RBM22: variants seen among roughly 807,000 people sequenced by gnomAD.
The protein encoded by RBM22 is pre-mRNA-splicing factor RBM22.
Under a neutral mutation model 50.1 loss-of-function variants are expected in RBM22, and 1 was observed. That is an observed-to-expected ratio of 0.02 (90% CI 0.01 to 0.09). The LOEUF is 0.09. RBM22 is among the 10% of genes least tolerant of loss of function. RBM22 has a pLI of 1.00. For missense variants in RBM22, 264 were observed against 529.3 expected (o/e 0.50, Z 4.92); for synonymous variants, 152 against 179.0 (o/e 0.85, Z 1.20).
intron 8 of RBM22, 138 bp downstream of exon 8, chr5:150,693,936 TAG>T: frequency 9.1e-7 from 1 of 1,103,496 alleles, no homozygotes; most frequent in South Asian, 1.6e-5. Context: ...AAGTATCACA[TAG>T]AGAGTGATCT....
Position 150,701,018 on chromosome 5 carries a change from G to T in RBM22, c.-33C>A, listed in dbSNP as rs780593876. On this transcript the variant is annotated 5_prime_UTR_variant, in exon 1 of 11. Coordinates refer to ENST00000199814, the MANE Select transcript of RBM22 (RefSeq NM_018047.3). ...GCGTCCGGAGGTAGCTGTAGCTTCC[G>T]AATTGGGAGAGAGGACCGCCACAAT... 2 of 1,613,248 alleles carry T rather than the reference G, an allele frequency of 1.2e-6. No individual in the cohort carries two copies. Among genetic ancestry groups the T allele is most frequent in the Admixed American group, 1.7e-5 (1 of 60,024 alleles).
chr5:150,696,850 C>T lies in RBM22; in HGVS notation c.313G>A (p.Asp105Asn). 6.2e-7 allele frequency: 1 copy of T among 1,614,200 alleles called. No homozygotes were observed. Among genetic ancestry groups the T allele is most frequent in the South Asian group, 1.1e-5 (1 of 91,088 alleles). ...QVRDAGLSFK[D>N]DMPKSDVNKE... ...TTGACATCTGACTTTGGCATGTCAT[C>T]TTTAAAAGACAATCCTGCGTCACGA... Residue 105 changes from aspartate to asparagine, a missense_variant, in exon 5 of 11, where the codon GAT becomes AAT. Around this residue, in one of 7 missense-constraint regions of RBM22, gnomAD observed 44 missense variants for 57.9 expected, o/e 0.76. Transcript: ENST00000199814. The surrounding 1 kb of genome is among the most constrained non-coding windows in gnomAD (Gnocchi z 4.3).
In RBM22 at chr5:150,693,017, G is replaced by A. The variant is rs1759228992; in HGVS notation, c.1010C>T (p.Pro337Leu). The change falls in exon 10 of 11, where the codon CCT (proline) becomes CTT (leucine). Residue 337 changes from proline (P) to leucine (L), a missense_variant. By Grantham distance (98) the Pro-to-Leu change is moderately conservative (BLOSUM62 -3). Transcript: ENST00000199814. ...PVPGLPGALP[P>L]PPAAEEEASA... Reference sequence around the variant, plus strand: ...GGCTTCTTCTTCTGCTGCAGGAGGAGGAGGAAGAGCTGGAGGAGAGAAAAT... The same window carrying A: ...GGCTTCTTCTTCTGCTGCAGGAGGAAGAGGAAGAGCTGGAGGAGAGAAAAT... The A allele has an allele frequency of 6.2e-7, 1 of 1,609,928 alleles. No homozygotes were observed. The highest frequency in any genetic ancestry group is 1.1e-5 in the South Asian group (1 of 90,410).
chr5:150,692,967 G>A lies in RBM22; in HGVS notation c.1060C>T (p.Pro354Ser). 6.2e-7 allele frequency: 1 copy of A among 1,613,372 alleles called. No individual in the cohort carries two copies. Among genetic ancestry groups the A allele is most frequent in the Non-Finnish European group, 8.5e-7 (1 of 1,179,580 alleles). Residue 354 changes from proline (P) to serine (S), a missense_variant, in exon 10 of 11, where the codon CCA (proline) becomes TCA (serine). Physicochemically the swap from Pro to Ser is moderately conservative, Grantham distance 74. Around this residue, in one of 7 missense-constraint regions of RBM22, gnomAD observed 106 missense variants for 137.1 expected, o/e 0.77. Coordinates refer to ENST00000199814, the MANE Select transcript of RBM22 (RefSeq NM_018047.3). The part of the protein sequence containing the change: ...EASANYFNLP[P>S]SGPPAVVNIA... The stretch of plus-strand genomic sequence containing the variant: ...TTCACCACAGCTGGAGGACCACTTG[G>A]GGGCAAGTTGAAGTAGTTGGCAGAG...
chr5:150,695,183 C>A, intron 7 of RBM22: 1 of 240,830 alleles, frequency 4.2e-6, no homozygotes, highest in Non-Finnish European at 8.2e-6. Flanking sequence ...CATGCCACCA[C>A]ACCCGGCTAA....
At chr5:150,699,150 G>T in intron 3 of RBM22, 92 bp downstream of exon 3, 1 of 1,489,808 alleles carries the variant, frequency 6.7e-7, no homozygotes, top group East Asian at 2.4e-5. Flanking sequence ...GATTTTTACT[G>T]GAAGACCTCA....
At chr5:150,698,860 C>T (rs1275402333) in intron 3 of RBM22, among the ~76,000 whole-genome samples, 1 of 152,200 alleles carries the variant, frequency 6.6e-6, no homozygotes, top group Non-Finnish European at 1.5e-5. Context: ...TCTTCCCATC[C>T]TAGAGCTAAG....
rs146647339 is a variant in RBM22 at position 150,695,938 on chromosome 5, T to C, written c.546-232A>G. ...CTAAAAGCCATTAGGCCATCTAGGA[T>C]GCCAAACTTTCCTTATAAATAAATA... On this transcript the variant is annotated intron_variant, in intron 6 of 10. Coordinates refer to ENST00000199814, the MANE Select transcript of RBM22 (RefSeq NM_018047.3). Among the ~76,000 whole-genome samples the C allele has an allele frequency of 8.2e-3, 1,199 of 146,156 alleles. 17 individuals carry two copies. Among genetic ancestry groups the C allele is most frequent in the African/African-American group, 0.029 (1,134 of 39,060 alleles).
At chr5:150,695,480 T>C (rs375850309) in intron 7 of RBM22, 26 bp downstream of exon 7, 1 of 1,564,224 alleles carries the variant, frequency 6.4e-7, no homozygotes, top group Non-Finnish European at 8.7e-7. Flanking sequence ...AAGGCAAAAA[T>C]AACTCTCTAA....
Position 150,695,575 on chromosome 5 carries a change from G to A in RBM22, c.677C>T (p.Pro226Leu). 6.2e-7 allele frequency: 1 copy of A among 1,613,900 alleles called. No individual in the cohort carries two copies. Among genetic ancestry groups the A allele is most frequent in the Non-Finnish European group, 8.5e-7 (1 of 1,179,940 alleles). Reference protein sequence around the residue: ...RASTMPRLDPPEDKTITTLYV... With the variant: ...RASTMPRLDPLEDKTITTLYV... ...TAGTGTGGTGATAGTTTTATCCTCT[G>A]GTGGGTCCAGCCGAGGCATTGTTGA... Residue 226 changes from proline (P) to leucine (L), a missense_variant, in exon 7 of 11, where the codon CCA becomes CTA. Pro to Leu is a moderately conservative substitution (Grantham distance 98). Around this residue, in one of 7 missense-constraint regions of RBM22, gnomAD observed 62 missense variants for 102.6 expected, o/e 0.60. Coordinates refer to ENST00000199814, the MANE Select transcript of RBM22 (RefSeq NM_018047.3).
At position 150,696,809 on chromosome 5, in the gene RBM22, T is replaced by G; in HGVS notation, c.354A>C (p.Thr118=). The G allele has an allele frequency of 1.9e-6, 3 of 1,614,202 alleles. No homozygotes were observed. In the South Asian group the frequency reaches 3.3e-5, roughly 18 times the overall value. ...AGCATACCTCTCTCTCCATATTCTG[T>G]GTATAGTACTCTTTGTTGACATCTG... ...PKSDVNKEYY[T]QNMEREISNS... Residue 118 remains threonine (T), a synonymous_variant, in exon 5 of 11, where the codon ACA becomes ACC. Transcript: ENST00000199814. This position sits in a 1 kb window ranked among gnomAD's most constrained non-coding sequence, Gnocchi z 4.3.
At position 150,692,946 on chromosome 5, in the gene RBM22, C is replaced by T. The variant is rs376247774; in HGVS notation, c.1081G>A (p.Val361Met). ...NLPPSGPPAV[V>M]NIALPPPPGI... is the part of the protein sequence containing the mutation. ...GGGGGCGGTGGCAGAGCAATGTTCA[C>T]CACAGCTGGAGGACCACTTGGGGGC... is the stretch of plus-strand genomic sequence containing the variant. Residue 361 changes from valine to methionine, a missense_variant, in exon 10 of 11, where the codon GTG becomes ATG. Physicochemically the swap from Val to Met is conservative, Grantham distance 21. This residue lies in a region of RBM22 where 106 missense variants were observed against 137.1 expected (regional missense o/e 0.77). Transcript: ENST00000199814. 1.9e-6 allele frequency: 3 copies of T among 1,613,264 alleles called. No homozygotes were observed. Among genetic ancestry groups the T allele is most frequent in the Non-Finnish European group, 1.7e-6 (2 of 1,179,742 alleles).
At position 150,696,350 on chromosome 5, in the gene RBM22, T is replaced by A. The variant is rs554121756; in HGVS notation, c.545+183A>T. 3.3e-5 allele frequency among the ~76,000 whole-genome samples: 5 copies of A among 152,178 alleles called. No individual in the cohort carries two copies. Among genetic ancestry groups the A allele is most frequent in the Non-Finnish European group, 7.4e-5 (5 of 68,024 alleles). ...TAGCAATTTAGTTTCCAAGGCTCAA[T>A]TGTAAGTAAAAACTACAATTTATTC... On this transcript the variant is annotated intron_variant, in intron 6 of 10. Transcript: ENST00000199814. The surrounding 1 kb of genome is among the most constrained non-coding windows in gnomAD (Gnocchi z 4.3).
At chr5:150,699,439 G>A (rs959257201) in intron 2 of RBM22, among the ~76,000 whole-genome samples, 168 bp from the exon 3 acceptor site, 4 of 152,170 alleles carry the variant, frequency 2.6e-5, no homozygotes, top group African/African-American at 7.2e-5. Flanking sequence ...TTTGGGAAGA[G>A]GGTAGGGAAC....
chr5:150,700,672 G>A (rs757284154), intron 1 of RBM22, 175 bp from the exon 2 acceptor site: 5 of 1,526,424 alleles, frequency 3.3e-6, no homozygotes, highest in South Asian at 2.4e-5. Flanking sequence ...TCCGGCAGGC[G>A]GCGGGAGAAA....
chr5:150,692,832 G>C, intron 10 of RBM22, 63 bp downstream of exon 10: 1 of 1,465,026 alleles, frequency 6.8e-7, no homozygotes, highest in East Asian at 2.3e-5. Flanking sequence ...ACATGATGGT[G>C]AGGTTTATGA....
At chr5:150,700,330 G>C in intron 2 of RBM22, 114 bp downstream of exon 2, 2 of 1,039,160 alleles carry the variant, frequency 1.9e-6, no homozygotes, top group Non-Finnish European at 2.9e-6. Context: ...CCAGCACTTC[G>C]CGTTAGTAAA....
At position 150,690,975 on chromosome 5, in the gene RBM22, T is replaced by TAA. The variant is rs1759200356; in HGVS notation, c.*775_*776insTT. On this transcript the variant is annotated 3_prime_UTR_variant, in exon 11 of 11. Transcript: ENST00000199814. ...AGAGTCCCAGCAGGAGGTCACGTCT[T>TAA]TCATTCAGACGCTCCAATGCTTTTC... The TAA allele has an allele frequency of 6.6e-6, 1 of 152,352 alleles. No individual in the cohort carries two copies. Among genetic ancestry groups the TAA allele is most frequent in the Non-Finnish European group, 1.5e-5 (1 of 68,042 alleles). The allele number at this position is 152,352 out of a possible 1,614,324, so 9.4% of individuals were successfully genotyped here.
chr5:150,700,886 G>A (rs1320452469), intron 1 of RBM22, 46 bp downstream of exon 1: 3 of 1,614,018 alleles, frequency 1.9e-6, no homozygotes, highest in Admixed American at 1.7e-5. Context: ...TGCAAGGTGC[G>A]CGGCTTCGCC....
Sources: gnomAD v4.1 joint callset for allele counts (sites outside exome capture counted in the v4.1 genomes callset) on GRCh38, gnomAD v4.1.1 for gene constraint, gnomAD v4.1.1 regional missense constraint, Gnocchi (gnomAD v3.1) non-coding constraint, MANE v1.5 for transcripts, NCBI Gene and HGNC (gene_info 2026-07-23, HGNC 2026-07-21) for gene names.